ZDHHC11: variants seen among roughly 807,000 people sequenced by gnomAD.
The protein encoded by ZDHHC11 is palmitoyltransferase ZDHHC11.
Under a neutral mutation model 51.3 loss-of-function variants are expected in ZDHHC11, and 44 were observed. The ratio of observed to expected loss-of-function variants is 0.86; its 90% CI spans 0.67 to 1.10. ZDHHC11 has a LOEUF of 1.10. Ranked by LOEUF, ZDHHC11 falls within the 50% of genes least tolerant of loss-of-function variation. The pLI is 0.00. For missense variants in ZDHHC11, 400 were observed against 537.7 expected (o/e 0.74, Z 2.53); for synonymous variants, 163 against 222.0 (o/e 0.73, Z 2.36).
rs1318260759 is a variant in ZDHHC11, at chr5:842,760, C to CCA, written c.628+838_628+839dup. On this transcript the variant is annotated intron_variant, in intron 4 of 12. Coordinates refer to ENST00000283441, the MANE Select transcript of ZDHHC11 (RefSeq NM_024786.3). ...TCTGAGGCAGGCAGGGCTCTGACGT[C>CCA]CAGCTGCAGGACAGTTGGGCACGCT... The CCA allele has an allele frequency of 3.4e-6, 3 of 884,634 alleles. No homozygotes were observed. In the African/African-American group the frequency reaches 5.3e-5, roughly 16 times the overall value. The allele number at this position is 884,634 out of a possible 1,614,324, so 54.8% of individuals were successfully genotyped here.
At chr5:844,991 A>G (rs576351975) in intron 3 of ZDHHC11, among the ~76,000 whole-genome samples, 29 of 152,382 alleles carry the variant, frequency 1.9e-4, no homozygotes, top group African/African-American at 6.7e-4. Flanking sequence ...TTTCCATTGT[A>G]TTATGTTCAC....
chr5:804,702 T>G (rs1269584736), intron 11 of ZDHHC11, among the ~76,000 whole-genome samples: 1 of 151,236 alleles, frequency 6.6e-6, no homozygotes, highest in Non-Finnish European at 1.5e-5. Flanking sequence ...GGTGACATAG[T>G]TAAATGCCCT....
At chr5:846,927 A>G (rs1746309685) in intron 3 of ZDHHC11, among the ~76,000 whole-genome samples, 1 of 151,638 alleles carries the variant, frequency 6.6e-6, no homozygotes, top group Admixed American at 6.6e-5. Context: ...TGCTCAGGGG[A>G]AAGACCTCTC....
At chr5:844,969 C>T (rs1745890849) in intron 3 of ZDHHC11, among the ~76,000 whole-genome samples, 3 of 152,304 alleles carry the variant, frequency 2.0e-5, no homozygotes, top group South Asian at 4.1e-4. Flanking sequence ...ATCCTTTAAC[C>T]TCCTTTAATC....
At position 850,915 on chromosome 5, in the gene ZDHHC11, CCT is replaced by C. The variant is rs1303021933; in HGVS notation, c.-315_-314del. ...GCCCGCGCGACCGCCCATCAGTTCC[CCT>C]GAGGATTTGTTACGTTCTGGGGAGT... On this transcript the variant is annotated 5_prime_UTR_variant, in exon 1 of 13. Coordinates refer to ENST00000283441, the MANE Select transcript of ZDHHC11 (RefSeq NM_024786.3). 9 of 440,038 alleles carry C rather than the reference CCT, an allele frequency of 2.0e-5. No individual in the cohort carries two copies. The highest frequency in any genetic ancestry group is 3.1e-5 in the Non-Finnish European group (8 of 257,512). The allele number at this position is 440,038 out of a possible 1,614,324, so 27.3% of individuals were successfully genotyped here.
rs551399017 is a variant in ZDHHC11 at position 818,711 on chromosome 5, A to C, written c.1146+814T>G. 4.7e-4 allele frequency among the ~76,000 whole-genome samples: 71 copies of C among 151,548 alleles called. 1 individual carries two copies. The highest frequency in any genetic ancestry group is 1.6e-3 in the African/African-American group (67 of 41,402). On this transcript the variant is annotated intron_variant, in intron 10 of 12. Coordinates refer to ENST00000283441, the MANE Select transcript of ZDHHC11 (RefSeq NM_024786.3). ...CCATCTCTTAAGAAATAAGAAATAA[A>C]TTGGCTGGGTGTGGTGGCACACGCC...
chr5:832,467 AATT>A, intron 7 of ZDHHC11, among the ~76,000 whole-genome samples: 1 of 44,758 alleles, frequency 2.2e-5, no homozygotes, highest in African/African-American at 1.7e-4. Context: ...TAAAAATAAA[AATT>A]ATAACTAGGA....
In ZDHHC11 at chr5:847,409, G is replaced by A. The variant is rs552854867; in HGVS notation, c.503+105C>T. On this transcript the variant is annotated intron_variant, in intron 3 of 12. Coordinates refer to ENST00000283441, the MANE Select transcript of ZDHHC11 (RefSeq NM_024786.3). ...CATCAGGACAGGGACGCGGCCCCAA[G>A]AGGACCCTCCACCCTTTCAACACGA... 1.2e-3 allele frequency: 1,849 copies of A among 1,493,048 alleles called. 16 individuals are homozygous for A. The highest frequency in any genetic ancestry group is 1.8e-3 in the South Asian group (155 of 84,734). 92.5% of individuals were successfully genotyped at this position (1,493,048 alleles called of 1,614,324 possible). A position where few individuals can be genotyped will look rare whatever the true frequency, so the allele number is the denominator to read the frequency against.
chr5:840,431 G>A (rs565784164), intron 5 of ZDHHC11, 64 bp downstream of exon 5: 133 of 1,610,346 alleles, frequency 8.3e-5, no homozygotes, highest in East Asian at 8.0e-4. Context: ...AAGTAGAGGT[G>A]TAAGATGAGC....
At chr5:833,176 T>C (rs1202386683) in intron 7 of ZDHHC11, among the ~76,000 whole-genome samples, 1 of 152,294 alleles carries the variant, frequency 6.6e-6, no homozygotes, top group Non-Finnish European at 1.5e-5. Context: ...GCTCCACCCT[T>C]TTGAGAAGTC....
Position 809,114 on chromosome 5 carries a change from A to G in ZDHHC11, c.1181+5647T>C, listed in dbSNP as rs576202459. 9.6e-3 allele frequency among the ~76,000 whole-genome samples: 1,411 copies of G among 147,290 alleles called. 21 individuals are homozygous for G. The highest frequency in any genetic ancestry group is 0.034 in the African/African-American group (1,334 of 39,458). On this transcript the variant is annotated intron_variant, in intron 11 of 12. Coordinates refer to ENST00000283441, the MANE Select transcript of ZDHHC11 (RefSeq NM_024786.3). ...GGACTGGAAAAGGCTTTACAAAAAAATAAAAAACAAACAAAACCTGAACCC... is the reference window on the plus strand; with the variant it reads ...GGACTGGAAAAGGCTTTACAAAAAAGTAAAAAACAAACAAAACCTGAACCC...
chr5:819,622 C>CAAACAGAAGG lies in ZDHHC11; in HGVS notation c.1059-20_1059-11dup, dbSNP rs1178849971. On this transcript the variant is annotated splice_polypyrimidine_tract_variant and intron_variant, in intron 9 of 12. Coordinates refer to ENST00000283441, the MANE Select transcript of ZDHHC11 (RefSeq NM_024786.3). The stretch of plus-strand genomic sequence containing the variant: ...GTTCCTGGCCTTGGCTCTGGTGGGG[C>CAAACAGAAGG]AAACAGAAGGAAAGAAACACACCAC... 1.9e-6 allele frequency: 3 copies of CAAACAGAAGG among 1,608,166 alleles called. No homozygotes were observed. Among genetic ancestry groups the CAAACAGAAGG allele is most frequent in the Non-Finnish European group, 1.7e-6 (2 of 1,175,492 alleles).
rs375959493 is a variant in ZDHHC11 at position 821,822 on chromosome 5, C to T, written c.1058+39G>A. Reference sequence around the variant, plus strand: ...ATGAGACGAGTGTATAACTATGTTACTAATAGATAAAATAATCCCATTAAA... The same window carrying T: ...ATGAGACGAGTGTATAACTATGTTATTAATAGATAAAATAATCCCATTAAA... On this transcript the variant is annotated intron_variant, in intron 9 of 12. Coordinates refer to ENST00000283441, the MANE Select transcript of ZDHHC11 (RefSeq NM_024786.3). 38 of 1,555,392 alleles carry T rather than the reference C, an allele frequency of 2.4e-5. No individual in the cohort carries two copies. The African/African-American group carries it at 4.9e-4, about 20-fold the overall frequency.
At chr5:822,348 C>G (rs1741678888) in intron 8 of ZDHHC11, among the ~76,000 whole-genome samples, 1 of 151,368 alleles carries the variant, frequency 6.6e-6, no homozygotes, top group South Asian at 2.1e-4. Flanking sequence ...AGAAACCAAC[C>G]CTGCAGACAC....
At position 797,051 on chromosome 5, in the gene ZDHHC11, C is replaced by CA. The variant is rs1480780443; in HGVS notation, c.*8-472dup. ...TGAACCCCCGTCTCTACTAAAAATA[C>CA]AAAAAATTAGCTGGGTGTGGTGGTG... On this transcript the variant is annotated intron_variant, in intron 12 of 12. Coordinates refer to ENST00000283441, the MANE Select transcript of ZDHHC11 (RefSeq NM_024786.3). Among the ~76,000 whole-genome samples the CA allele has an allele frequency of 7.3e-5, 11 of 151,124 alleles. 1 individual carries two copies. The highest frequency in any genetic ancestry group is 1.0e-4 in the Non-Finnish European group (7 of 67,614).
Position 827,745 on chromosome 5 carries a change from A to T in ZDHHC11, c.936-2494T>A, listed in dbSNP as rs956692437. Among the ~76,000 whole-genome samples the T allele has an allele frequency of 3.5e-4, 50 of 144,730 alleles. 1 individual carries two copies. The East Asian group carries it at 4.0e-3, about 11-fold the overall frequency. 94.9% of individuals were successfully genotyped at this position (144,730 alleles called of 152,430 possible). On this transcript the variant is annotated intron_variant, in intron 7 of 12. Coordinates refer to ENST00000283441, the MANE Select transcript of ZDHHC11 (RefSeq NM_024786.3). ...CCAAATTTATTTTTTTTTATTCTTT[A>T]TTTTTTTTTTTTTATTGATCATTCT...
intron 1 of ZDHHC11, 166 bp downstream of exon 1, chr5:850,215 G>C (rs1746948879): frequency 1.3e-6 from 1 of 750,550 alleles, no homozygotes; most frequent in South Asian, 1.8e-5. Flanking sequence ...GCTGCACAGA[G>C]CATGAGTGGC....
Position 812,710 on chromosome 5 carries a change from G to C in ZDHHC11, c.1181+2051C>G, listed in dbSNP as rs140090026. ...CCACAGAAACAAAACAATATTGTCA[G>C]TATCTGACAACCTTGGCACAAAGGT... On this transcript the variant is annotated intron_variant, in intron 11 of 12. Transcript: ENST00000283441. Among the ~76,000 whole-genome samples, 1,097 of 151,464 alleles carry C rather than the reference G, an allele frequency of 7.2e-3. 32 individuals carry two copies. Among genetic ancestry groups the C allele is most frequent in the African/African-American group, 0.025 (1,041 of 41,286 alleles).
rs775239857 is a variant in ZDHHC11, at chr5:850,643, T to C, written c.-41A>G. On this transcript the variant is annotated 5_prime_UTR_variant, in exon 1 of 13. Coordinates refer to ENST00000283441, the MANE Select transcript of ZDHHC11 (RefSeq NM_024786.3). ...GGGGAGGACCTGCGCCGTCAGATCCTGGGAGGGCCGGCCCCGCCCACTGTC... is the reference window on the plus strand; with the variant it reads ...GGGGAGGACCTGCGCCGTCAGATCCCGGGAGGGCCGGCCCCGCCCACTGTC... 3 of 1,598,218 alleles carry C rather than the reference T, an allele frequency of 1.9e-6. No homozygotes were observed. Among genetic ancestry groups the C allele is most frequent in the Admixed American group, 3.3e-5 (2 of 59,770 alleles).
Sources: allele counts gnomAD v4.1 joint callset (sites outside exome capture counted in the v4.1 genomes callset), GRCh38; gene constraint gnomAD v4.1.1; transcripts MANE v1.5; gene names NCBI Gene and HGNC (gene_info 2026-07-23, HGNC 2026-07-21).